The following RAD54L2 variants were observed in gnomAD, a reference collection of about 807,000 sequenced individuals.
RAD54L2 encodes the protein RAD54 like 2, also known as helicase ARIP4.
A neutral mutation model predicts 138.4 loss-of-function variants in RAD54L2; 27 were observed. The observed-to-expected ratio is 0.20, with a 90% CI of 0.14 to 0.27. RAD54L2 has a LOEUF of 0.27. Ranked by LOEUF, RAD54L2 falls within the 10% of genes least tolerant of loss-of-function variation. The probability of loss-of-function intolerance (pLI) is 1.00; values close to 1 mark genes in which losing one functional copy is unlikely to be tolerated. For missense variants in RAD54L2, 1,396 were observed against 1,890.2 expected, an observed-to-expected ratio of 0.74 and a Z score of 4.85; for synonymous variants, 644 against 723.2, an observed-to-expected ratio of 0.89 and a Z score of 1.76.
intron 3 of RAD54L2, among the ~76,000 whole-genome samples, chr3:51,603,375 G>A (rs1009663955): frequency 2.0e-4 from 30 of 152,122 alleles, no homozygotes; most frequent in African/African-American, 7.2e-4. Flanking sequence ...GGAGGCCGAG[G>A]CAGGTGGATC....
At chr3:51,635,916 C>T in intron 10 of RAD54L2, 127 bp downstream of exon 10, 2 of 1,020,546 alleles carry the variant, frequency 2.0e-6, no homozygotes, top group Non-Finnish European at 2.8e-6. Flanking sequence ...ACCAAAAATC[C>T]TGGTTCCCAA....
intron 15 of RAD54L2, 72 bp from the exon 16 acceptor site, chr3:51,643,803 A>C: frequency 5.1e-6 from 6 of 1,178,560 alleles, no homozygotes; most frequent in Non-Finnish European, 7.4e-6. Context: ...TTTAAAACAT[A>C]TTTGCCCAGT....
Position 51,541,637 on chromosome 3 carries a change from G to T in RAD54L2, c.-68G>T, listed in dbSNP as rs1483521905. On this transcript the variant is annotated 5_prime_UTR_variant, in exon 2 of 23. It adds an upstream start codon to the 5' untranslated region. Coordinates refer to ENST00000684192, the MANE Select transcript of RAD54L2 (RefSeq NM_015106.4). The stretch of plus-strand genomic sequence containing the variant: ...TGGAGTGCTGTCCCTTGGAACAGGA[G>T]GAGTAAGATTGAGGTAAGGCTCAGT... 6.6e-6 allele frequency: 1 copy of T among 152,140 alleles called. No individual in the cohort carries two copies. Among genetic ancestry groups the T allele is most frequent in the Non-Finnish European group, 1.5e-5 (1 of 68,030 alleles). 9.4% of individuals were successfully genotyped at this position (152,140 alleles called of 1,614,324 possible).
Position 51,627,734 on chromosome 3 carries a change from C to T in RAD54L2, c.321C>T (p.Ser107=). The T allele has an allele frequency of 1.2e-6, 2 of 1,613,920 alleles. 1 individual carries two copies. Among genetic ancestry groups the T allele is most frequent in the Middle Eastern group, 3.3e-4 (2 of 6,058 alleles). The change falls in exon 4 of 23, where the codon TCC becomes TCT. Residue 107 remains serine (S), a synonymous_variant. Transcript: ENST00000684192. ...AAAAGAAGAGAGCTCAGAAGCCCTCCCACATGAGAAGAAACATACGGTGAG... is the reference window on the plus strand; with the variant it reads ...AAAAGAAGAGAGCTCAGAAGCCCTCTCACATGAGAAGAAACATACGGTGAG... ...DPKKKRAQKP[S]HMRRNIRKLL... is the part of the protein sequence containing the mutation.
chr3:51,600,913 G>A (rs2106734763), intron 3 of RAD54L2, among the ~76,000 whole-genome samples: 1 of 152,190 alleles, frequency 6.6e-6, no homozygotes, highest in South Asian at 2.1e-4. Context: ...GTTGCAGTGA[G>A]CCAAGATCAC....
At position 51,663,198 on chromosome 3, in the gene RAD54L2, G is replaced by A. The variant is rs756753800; in HGVS notation, c.4182G>A (p.Pro1394=). The change falls in exon 23 of 23, where the codon CCG becomes CCA. Residue 1394 remains proline, a synonymous_variant. Transcript: ENST00000684192. ...TCTCACAGCCACTCCTGTCCGAGCC[G>A]AGGATGTTTGCGCCTTTTCCTTCCC... ...LPFSQPLLSE[P]RMFAPFPSPV... The A allele has an allele frequency of 9.9e-6, 16 of 1,613,834 alleles. No individual in the cohort carries two copies. Among genetic ancestry groups the A allele is most frequent in the Middle Eastern group, 1.6e-4 (1 of 6,084 alleles).
chr3:51,629,163 T>TATCCTGTTTTTTGA (rs1408629129), intron 4 of RAD54L2, among the ~76,000 whole-genome samples, 171 bp from the exon 5 acceptor site: 1 of 152,206 alleles, frequency 6.6e-6, no homozygotes, highest in Non-Finnish European at 1.5e-5. Context: ...CTGAGTTTGA[T>TATCCTGTTTTTTGA]ATCCTGTTTT....
chr3:51,577,855 T>C (rs1179709690), intron 2 of RAD54L2, among the ~76,000 whole-genome samples: 1 of 152,186 alleles, frequency 6.6e-6, no homozygotes, highest in Non-Finnish European at 1.5e-5. Flanking sequence ...TCGCTTACGC[T>C]GGGAGCTGTA....
chr3:51,613,796 G>A (rs1042813146), intron 3 of RAD54L2, among the ~76,000 whole-genome samples: 5 of 151,058 alleles, frequency 3.3e-5, no homozygotes, highest in Admixed American at 2.6e-4. Flanking sequence ...GTACGTAGTT[G>A]TGTTTAAGAA....
At chr3:51,552,857 G>T (rs1446502442) in intron 2 of RAD54L2, among the ~76,000 whole-genome samples, 1 of 152,122 alleles carries the variant, frequency 6.6e-6, no homozygotes, top group Non-Finnish European at 1.5e-5. Flanking sequence ...ACCATGCGTG[G>T]CTGGGAATCA....
At chr3:51,585,463 CTTTG>C (rs1233486350) in intron 2 of RAD54L2, among the ~76,000 whole-genome samples, 1 of 152,160 alleles carries the variant, frequency 6.6e-6, no homozygotes, top group Non-Finnish European at 1.5e-5. Flanking sequence ...TGAACAAAGG[CTTTG>C]TTTGTGTGTG....
chr3:51,649,810 G>A (rs906093514), intron 19 of RAD54L2, among the ~76,000 whole-genome samples: 8 of 152,240 alleles, frequency 5.3e-5, no homozygotes, highest in East Asian at 1.9e-4. Context: ...AGGAACAACC[G>A]GTACCAGCCA....
At chr3:51,586,017 G>A (rs1352065562) in intron 2 of RAD54L2, among the ~76,000 whole-genome samples, 2 of 151,184 alleles carry the variant, frequency 1.3e-5, no homozygotes, top group Admixed American at 6.6e-5. Context: ...TCACCACCCC[G>A]CCCCCACCGC....
intron 3 of RAD54L2, among the ~76,000 whole-genome samples, chr3:51,599,026 G>T (rs1307764833): frequency 6.6e-6 from 1 of 152,138 alleles, no homozygotes; most frequent in Non-Finnish European, 1.5e-5. Context: ...GTGTGCGTCG[G>T]GGGGCAGTCT....
chr3:51,575,129 G>C (rs1347220142), intron 2 of RAD54L2, among the ~76,000 whole-genome samples: 1 of 152,038 alleles, frequency 6.6e-6, no homozygotes, highest in African/African-American at 2.4e-5. Context: ...CTTGTTTTTT[G>C]TCAGGTTTGT....
At chr3:51,543,085 T>G (rs1190525656) in intron 2 of RAD54L2, among the ~76,000 whole-genome samples, 1 of 152,114 alleles carries the variant, frequency 6.6e-6, no homozygotes, top group Admixed American at 6.6e-5. Flanking sequence ...TGGGGCTACT[T>G]TGGTAAAATC....
Position 51,666,843 on chromosome 3 carries a change from C to T in RAD54L2, c.*3423C>T, listed in dbSNP as rs540106621. Reference sequence around the variant, plus strand: ...GTGGAGTCTCTATATGCTTGTGATCCTTGGAGCTCTCTTCCCTAGGAATTA... The same window carrying T: ...GTGGAGTCTCTATATGCTTGTGATCTTTGGAGCTCTCTTCCCTAGGAATTA... On this transcript the variant is annotated 3_prime_UTR_variant, in exon 23 of 23. Transcript: ENST00000684192. The T allele has an allele frequency of 6.6e-6, 1 of 152,204 alleles. No individual in the cohort carries two copies. Among genetic ancestry groups the T allele is most frequent in the Non-Finnish European group, 1.5e-5 (1 of 68,046 alleles). The allele number at this position is 152,204 out of a possible 1,614,324, so 9.4% of individuals were successfully genotyped here. A position where few individuals can be genotyped will look rare whatever the true frequency, so the allele number is the denominator to read the frequency against.
At position 51,633,594 on chromosome 3, in the gene RAD54L2, C is replaced by T. The variant is rs1357175393; in HGVS notation, c.843C>T (p.Phe281=). Residue 281 remains phenylalanine (F), a synonymous_variant, in exon 8 of 23, where the codon TTC becomes TTT. Transcript: ENST00000684192. ...CTTGTCAGATTGGCGGGATCCGGTT[C>T]CTTTACGATAACCTAGTGGAGTCTC... ...VKPHQIGGIR[F]LYDNLVESLE... 4 of 1,613,570 alleles carry T rather than the reference C, an allele frequency of 2.5e-6. No individual in the cohort carries two copies. The African/African-American group carries it at 5.3e-5, about 22-fold the overall frequency.
Position 51,632,519 on chromosome 3 carries a change from T to A in RAD54L2, c.826-1058T>A, listed in dbSNP as rs1339345163. Among the ~76,000 whole-genome samples, 4 of 148,260 alleles carry A rather than the reference T, an allele frequency of 2.7e-5. No individual in the cohort carries two copies. The South Asian group carries it at 9.3e-4, about 35-fold the overall frequency. On this transcript the variant is annotated intron_variant, in intron 7 of 22. Coordinates refer to ENST00000684192, the MANE Select transcript of RAD54L2 (RefSeq NM_015106.4). ...CATGTTCACCAGGATGGTCTTGAAC[T>A]CCCAACCTCAGGTAATCTGCACACC...
Sources: allele counts gnomAD v4.1 joint callset (sites outside exome capture counted in the v4.1 genomes callset), GRCh38; gene constraint gnomAD v4.1.1; transcripts MANE v1.5; gene names NCBI Gene and HGNC (gene_info 2026-07-23, HGNC 2026-07-21).